ITPRID1: variants seen among roughly 807,000 people sequenced by gnomAD.
The protein encoded by ITPRID1 is protein ITPRID1.
In ITPRID1, 96 loss-of-function variants were observed where a neutral mutation model predicts 95.4. That is an observed-to-expected ratio of 1.01 (90% confidence interval 0.85 to 1.19). ITPRID1 has a LOEUF of 1.19. Among genes scored for constraint, ITPRID1 ranks in the 50% most tolerant of loss-of-function variants. The pLI is 0.00. For missense variants in ITPRID1, 1,339 were observed against 1,252.9 expected, an observed-to-expected ratio of 1.07 and a Z score of -1.04; for synonymous variants, 510 against 453.6, an observed-to-expected ratio of 1.12 and a Z score of -1.58.
chr7:31,588,518 C>T (rs917336005), intron 10 of ITPRID1, among the ~76,000 whole-genome samples: 1 of 150,204 alleles, frequency 6.7e-6, no homozygotes, highest in Admixed American at 6.7e-5. Flanking sequence ...GTAATTCCAG[C>T]TACTCAGGAG....
chr7:31,525,716 T>C (rs1020874941), intron 1 of ITPRID1, among the ~76,000 whole-genome samples: 5 of 152,140 alleles, frequency 3.3e-5, no homozygotes, highest in African/African-American at 1.2e-4. Flanking sequence ...AATAGAAGCA[T>C]TGTTAAAATG....
rs1180791810 is a variant in ITPRID1 at position 31,599,690 on chromosome 7, C to CTCTCTCTCTT, written c.1228+16502_1228+16503insCTCTCTTTCT. 1.1e-3 allele frequency among the ~76,000 whole-genome samples: 113 copies of CTCTCTCTCTT among 106,680 alleles called. 3 individuals carry two copies. The highest frequency in any genetic ancestry group is 3.2e-3 in the African/African-American group (72 of 22,756). 70.0% of individuals were successfully genotyped at this position (106,680 alleles called of 152,430 possible). A position where few individuals can be genotyped will look rare whatever the true frequency, so the allele number is the denominator to read the frequency against. ...TCTCTCTCTCTCTCTCTCTCTCTCT[C>CTCTCTCTCTT]TCTTTCTTTCTTTCTTTCTTTCTCT... is the stretch of plus-strand genomic sequence containing the variant. On this transcript the variant is annotated intron_variant, in intron 10 of 14. Transcript: ENST00000615280.
intron 5 of ITPRID1, among the ~76,000 whole-genome samples, chr7:31,562,897 A>G (rs1352337879): frequency 6.6e-6 from 1 of 152,170 alleles, no homozygotes; most frequent in East Asian, 1.9e-4. Context: ...TGACTTCTGC[A>G]CTGATACTGA....
chr7:31,528,803 G>C (rs1169524446), intron 1 of ITPRID1, among the ~76,000 whole-genome samples: 1 of 151,954 alleles, frequency 6.6e-6, no homozygotes, highest in Non-Finnish European at 1.5e-5. Flanking sequence ...TCTCATATTG[G>C]GGTTCCTCTG....
At chr7:31,582,218 T>G (rs1420044751) in intron 9 of ITPRID1, among the ~76,000 whole-genome samples, 1 of 152,214 alleles carries the variant, frequency 6.6e-6, no homozygotes, top group Non-Finnish European at 1.5e-5. Context: ...ACTAATGTAC[T>G]TCCTGAGAAC....
chr7:31,564,308 C>T (rs891253523), intron 5 of ITPRID1, among the ~76,000 whole-genome samples: 1 of 151,954 alleles, frequency 6.6e-6, no homozygotes, highest in Admixed American at 6.6e-5. Flanking sequence ...CATTTTAACC[C>T]ATGGAAGGAG....
intron 7 of ITPRID1, among the ~76,000 whole-genome samples, chr7:31,573,950 G>T (rs929468422): frequency 1.2e-4 from 18 of 151,986 alleles, no homozygotes; most frequent in African/African-American, 3.9e-4. Context: ...GGACTAGAAT[G>T]AGTTGGTAAA....
At chr7:31,536,192 GAT>G (rs1284007618) in intron 1 of ITPRID1, among the ~76,000 whole-genome samples, 1 of 151,890 alleles carries the variant, frequency 6.6e-6, no homozygotes, top group Non-Finnish European at 1.5e-5. Flanking sequence ...CTGTTTTGAT[GAT>G]ATCTACTGAC....
At chr7:31,585,526 T>C (rs1201646189) in intron 10 of ITPRID1, among the ~76,000 whole-genome samples, 6 of 152,192 alleles carry the variant, frequency 3.9e-5, no homozygotes, top group African/African-American at 7.2e-5. Flanking sequence ...GAGAAGTCTA[T>C]CATTCATATT....
chr7:31,523,709 C>T (rs1453566730), intron 1 of ITPRID1, among the ~76,000 whole-genome samples: 7 of 152,166 alleles, frequency 4.6e-5, no homozygotes, highest in Admixed American at 4.6e-4. Context: ...CTTTCTTCAC[C>T]TTCCACCATG....
intron 5 of ITPRID1, among the ~76,000 whole-genome samples, 198 bp from the exon 6 acceptor site, chr7:31,569,555 CCAGTA>C (rs1347142907): frequency 2.6e-5 from 4 of 152,206 alleles, no homozygotes; most frequent in South Asian, 2.1e-4. Flanking sequence ...CTCCATTGAG[CCAGTA>C]CATTTCTTCA....
intron 5 of ITPRID1, among the ~76,000 whole-genome samples, chr7:31,560,186 G>A (rs1233533174): frequency 6.6e-6 from 1 of 152,174 alleles, no homozygotes; most frequent in Non-Finnish European, 1.5e-5. Context: ...CAAAGCCAGG[G>A]GCAGGAGTAT....
At chr7:31,522,101 CAG>C (rs1243012199) in intron 1 of ITPRID1, among the ~76,000 whole-genome samples, 1 of 152,046 alleles carries the variant, frequency 6.6e-6, no homozygotes, top group Non-Finnish European at 1.5e-5. Context: ...TAAGCACCTC[CAG>C]GGACTGCGAA....
At chr7:31,624,553 A>C (rs932955744) in intron 10 of ITPRID1, among the ~76,000 whole-genome samples, 1 of 133,714 alleles carries the variant, frequency 7.5e-6, no homozygotes, top group Non-Finnish European at 1.6e-5. Context: ...TGGTGCTGGG[A>C]AAACTGGCTA....
At chr7:31,552,767 T>C (rs573143510) in intron 2 of ITPRID1, among the ~76,000 whole-genome samples, 3 of 152,330 alleles carry the variant, frequency 2.0e-5, no homozygotes, top group African/African-American at 7.2e-5. Flanking sequence ...TGTGGTCTGA[T>C]GACTGGCATG....
intron 5 of ITPRID1, among the ~76,000 whole-genome samples, chr7:31,560,796 T>C (rs554211965): frequency 3.9e-5 from 6 of 152,130 alleles, no homozygotes; most frequent in Non-Finnish European, 7.3e-5. Context: ...TCCAAGAAGG[T>C]ACTATTGAGT....
At chr7:31,612,612 G>A (rs1221687959) in intron 10 of ITPRID1, among the ~76,000 whole-genome samples, 2 of 152,110 alleles carry the variant, frequency 1.3e-5, no homozygotes, top group East Asian at 3.9e-4. Context: ...CCTAGTTAAT[G>A]ACTGGACAGA....
intron 10 of ITPRID1, among the ~76,000 whole-genome samples, chr7:31,602,248 C>A (rs528604602): frequency 6.6e-6 from 1 of 152,226 alleles, no homozygotes; most frequent in African/African-American, 2.4e-5. Context: ...TAATTAAATT[C>A]ATCTATACTC....
chr7:31,637,274 A>T (rs1055897473), intron 10 of ITPRID1, among the ~76,000 whole-genome samples: 1 of 152,110 alleles, frequency 6.6e-6, no homozygotes, highest in African/African-American at 2.4e-5. Context: ...GCTGGGTCAA[A>T]TGGTATTTCT....
Sources: allele counts gnomAD v4.1 joint callset (sites outside exome capture counted in the v4.1 genomes callset), GRCh38; gene constraint gnomAD v4.1.1; transcripts MANE v1.5; gene names NCBI Gene and HGNC (gene_info 2026-07-23, HGNC 2026-07-21).